GXYLT2: variants seen among roughly 807,000 people sequenced by gnomAD.
GXYLT2 encodes the protein glucoside xylosyltransferase 2.
In GXYLT2, 53 loss-of-function variants were observed where a neutral mutation model predicts 45.8. That is an observed-to-expected ratio of 1.16 (90% CI 0.93 to 1.46). GXYLT2 has a LOEUF of 1.46. GXYLT2 is among the 40% of genes most tolerant of loss of function. GXYLT2 has a pLI of 0.00. For synonymous variants in GXYLT2, 219 were observed against 214.2 expected (o/e 1.02, Z -0.19); for missense variants, 551 against 544.4 (o/e 1.01, Z -0.12).
chr3:72,910,074 A>G (rs1709589083), intron 2 of GXYLT2, among the ~76,000 whole-genome samples: 1 of 152,202 alleles, frequency 6.6e-6, no homozygotes, highest in South Asian at 2.1e-4. Flanking sequence ...GGAAGGGTGA[A>G]GGAAAAGGGC....
chr3:72,931,700 A>G (rs1194548282), intron 3 of GXYLT2, among the ~76,000 whole-genome samples: 2 of 152,044 alleles, frequency 1.3e-5, no homozygotes, highest in East Asian at 1.9e-4. Flanking sequence ...CCTCAAGTCA[A>G]TAGCCTAACC....
At chr3:72,922,936 G>A (rs9838221) in intron 3 of GXYLT2, among the ~76,000 whole-genome samples, 1 of 151,670 alleles carries the variant, frequency 6.6e-6, no homozygotes, top group Admixed American at 6.6e-5. Context: ...CTGGGCAACA[G>A]GGTGAAATCC....
rs559565392 is a variant in GXYLT2 at position 72,915,439 on chromosome 3, G to A, written c.469-6765G>A. On this transcript the variant is annotated intron_variant, in intron 2 of 6. Transcript: ENST00000389617. ...CAGTAATTTAAAGACGTATACAATC[G>A]GAATTAGATTTTTTCCGTGTTGCTC... Among the ~76,000 whole-genome samples, 7 of 147,778 alleles carry A rather than the reference G, an allele frequency of 4.7e-5. No individual in the cohort carries two copies. In the South Asian group the frequency reaches 1.1e-3, roughly 23 times the overall value.
At chr3:72,901,686 G>A (rs1447958619) in intron 1 of GXYLT2, among the ~76,000 whole-genome samples, 1 of 146,910 alleles carries the variant, frequency 6.8e-6, no homozygotes, top group African/African-American at 2.5e-5. Context: ...TCAGCCACAC[G>A]AGTAGCTGGG....
chr3:72,921,861 C>T (rs2107100685), intron 2 of GXYLT2, among the ~76,000 whole-genome samples: 1 of 151,298 alleles, frequency 6.6e-6, no homozygotes, highest in East Asian at 1.9e-4. Context: ...GTTCTCAAGT[C>T]TTGTTATTAC....
intron 3 of GXYLT2, among the ~76,000 whole-genome samples, chr3:72,943,004 ACT>A (rs1242645509): frequency 9.2e-5 from 14 of 152,102 alleles, no homozygotes; most frequent in Non-Finnish European, 1.9e-4. Context: ...ATATATGGGA[ACT>A]CTCTGAACTT....
At chr3:72,940,707 G>A (rs1041948962) in intron 3 of GXYLT2, among the ~76,000 whole-genome samples, 1 of 152,054 alleles carries the variant, frequency 6.6e-6, no homozygotes, top group Non-Finnish European at 1.5e-5. Context: ...TCTGAGACAG[G>A]GTCTCCCTCT....
chr3:72,961,767 A>T (rs1207817913), intron 5 of GXYLT2, among the ~76,000 whole-genome samples: 1 of 151,910 alleles, frequency 6.6e-6, no homozygotes, highest in African/African-American at 2.4e-5. Flanking sequence ...GGGCAAAGTC[A>T]TGAGGCATTT....
chr3:72,893,696 T>A (rs980405670), intron 1 of GXYLT2, among the ~76,000 whole-genome samples: 3 of 152,232 alleles, frequency 2.0e-5, no homozygotes, highest in Admixed American at 6.5e-5. Flanking sequence ...CAAGATTTAC[T>A]TATAGTATTA....
At chr3:72,894,939 C>G (rs1483637416) in intron 1 of GXYLT2, among the ~76,000 whole-genome samples, 2 of 152,206 alleles carry the variant, frequency 1.3e-5, no homozygotes, top group African/African-American at 4.8e-5. Flanking sequence ...TGGACTCTCT[C>G]CCCTGTATGG....
rs1710390687 is a variant in GXYLT2, at chr3:72,945,714, C to G, written c.601-9384C>G. On this transcript the variant is annotated intron_variant, in intron 3 of 6. Coordinates refer to ENST00000389617, the MANE Select transcript of GXYLT2 (RefSeq NM_001080393.2). ...CATTTGGTGACACTTCACCAGCAGG[C>G]CTGGGAAGTTGCTTATCATGAACAG... 2.0e-5 allele frequency among the ~76,000 whole-genome samples: 3 copies of G among 152,118 alleles called. No individual in the cohort carries two copies. The South Asian group carries it at 6.2e-4, about 32-fold the overall frequency.
At chr3:72,889,401 T>G (rs555889077) in intron 1 of GXYLT2, among the ~76,000 whole-genome samples, 34 of 152,240 alleles carry the variant, frequency 2.2e-4, no homozygotes, top group African/African-American at 7.7e-4. Context: ...CTGAAAGGAG[T>G]TGAAAAATTA....
At chr3:72,926,220 C>T (rs1709915835) in intron 3 of GXYLT2, among the ~76,000 whole-genome samples, 1 of 152,236 alleles carries the variant, frequency 6.6e-6, no homozygotes, top group African/African-American at 2.4e-5. Flanking sequence ...TAAGATTTTA[C>T]TATCTGAATA....
At chr3:72,912,058 T>A (rs1229347760) in intron 2 of GXYLT2, among the ~76,000 whole-genome samples, 3 of 146,890 alleles carry the variant, frequency 2.0e-5, no homozygotes, top group African/African-American at 7.8e-5. Context: ...TCTCCCAGGC[T>A]GAAGTGCAGT....
At chr3:72,960,274 T>C (rs999466320) in intron 5 of GXYLT2, among the ~76,000 whole-genome samples, 4 of 152,216 alleles carry the variant, frequency 2.6e-5, no homozygotes, top group Non-Finnish European at 4.4e-5. Context: ...AACGATCTAA[T>C]TTAAGTCTCC....
chr3:72,906,092 T>A (rs1189939022), intron 1 of GXYLT2, among the ~76,000 whole-genome samples: 1 of 152,222 alleles, frequency 6.6e-6, no homozygotes, highest in Non-Finnish European at 1.5e-5. Context: ...TCTTGACTGA[T>A]TTTTAGAAAT....
intron 2 of GXYLT2, among the ~76,000 whole-genome samples, chr3:72,913,399 A>C (rs1249329565): frequency 6.6e-6 from 1 of 151,786 alleles, no homozygotes; most frequent in Non-Finnish European, 1.5e-5. Flanking sequence ...ACAGGGTGTT[A>C]AAAACTAGGC....
intron 2 of GXYLT2, among the ~76,000 whole-genome samples, chr3:72,917,628 G>A (rs1399486714): frequency 6.6e-6 from 1 of 151,840 alleles, no homozygotes; most frequent in Non-Finnish European, 1.5e-5. Context: ...ATGATGGCAT[G>A]CATGTGTGGT....
intron 2 of GXYLT2, among the ~76,000 whole-genome samples, chr3:72,919,139 C>T (rs1281357374): frequency 6.6e-6 from 1 of 152,098 alleles, no homozygotes; most frequent in Non-Finnish European, 1.5e-5. Flanking sequence ...AAGTATTTAC[C>T]CAAATGAGTT....
Sources: allele counts gnomAD v4.1 joint callset (sites outside exome capture counted in the v4.1 genomes callset), GRCh38; gene constraint gnomAD v4.1.1; transcripts MANE v1.5; gene names NCBI Gene and HGNC (gene_info 2026-07-23, HGNC 2026-07-21).